SMIM14: variants seen among roughly 807,000 people sequenced by gnomAD.
SMIM14 encodes small integral membrane protein 14.
A neutral mutation model predicts 12.6 loss-of-function variants in SMIM14; 5 were observed. The ratio of observed to expected loss-of-function variants is 0.40; its 90% CI spans 0.21 to 0.83. The LOEUF (loss-of-function observed/expected upper bound fraction) is 0.83. Ranked by LOEUF, SMIM14 falls within the 40% of genes least tolerant of loss-of-function variation. The pLI, the probability that SMIM14 is intolerant of heterozygous loss-of-function variation, is 0.37. For missense variants in SMIM14, 86 were observed against 119.1 expected (o/e 0.72, Z 1.29); for synonymous variants, 30 against 40.1 (o/e 0.75, Z 0.95).
chr4:39,620,477 C>A (rs1018465479), intron 1 of SMIM14, among the ~76,000 whole-genome samples: 13 of 148,626 alleles, frequency 8.7e-5, no homozygotes, highest in South Asian at 8.5e-4. Context: ...TAGACTGTAT[C>A]AAAAAAAAAA....
At chr4:39,637,967 C>T (rs1412489919) in intron 1 of SMIM14, among the ~76,000 whole-genome samples, 2 of 152,238 alleles carry the variant, frequency 1.3e-5, no homozygotes, top group Non-Finnish European at 2.9e-5. Flanking sequence ...AAGGCCACAG[C>T]CTCGGTTTTG....
intron 2 of SMIM14, among the ~76,000 whole-genome samples, chr4:39,580,471 C>T (rs190991278): frequency 1.3e-5 from 2 of 152,000 alleles, no homozygotes; most frequent in Non-Finnish European, 2.9e-5. Flanking sequence ...TAAACCAACA[C>T]ACCCAGCCAA....
chr4:39,632,045 A>C (rs1182807669), intron 1 of SMIM14, among the ~76,000 whole-genome samples: 1 of 152,196 alleles, frequency 6.6e-6, no homozygotes, highest in Non-Finnish European at 1.5e-5. Context: ...TACACCTAAA[A>C]ATTGGTTTAG....
intron 1 of SMIM14, among the ~76,000 whole-genome samples, chr4:39,624,913 G>A (rs1715634128): frequency 6.6e-6 from 1 of 151,072 alleles, no homozygotes; most frequent in Non-Finnish European, 1.5e-5. Context: ...GGCAAGAAAA[G>A]GATGCAGACT....
At chr4:39,592,539 G>A (rs1374014112) in intron 2 of SMIM14, 1 of 152,026 alleles carries the variant, frequency 6.6e-6, no homozygotes, top group Non-Finnish European at 1.5e-5. Flanking sequence ...ACATTCTGAT[G>A]AGAACAAATC....
At chr4:39,566,099 G>A (rs1368356803) in intron 3 of SMIM14, among the ~76,000 whole-genome samples, 2 of 150,798 alleles carry the variant, frequency 1.3e-5, no homozygotes, top group African/African-American at 2.4e-5. Flanking sequence ...TTAAGAACCT[G>A]TTGCAATAAT....
At chr4:39,631,823 C>G (rs1715910223) in intron 1 of SMIM14, among the ~76,000 whole-genome samples, 1 of 151,842 alleles carries the variant, frequency 6.6e-6, no homozygotes, top group South Asian at 2.1e-4. Context: ...ACTTGTAATA[C>G]TTGTCAATGA....
chr4:39,630,458 AC>A (rs1256002814), intron 1 of SMIM14, among the ~76,000 whole-genome samples: 2 of 152,274 alleles, frequency 1.3e-5, no homozygotes, highest in African/African-American at 4.8e-5. Context: ...AAACTAAGTA[AC>A]TCACAGCCTC....
intron 3 of SMIM14, among the ~76,000 whole-genome samples, chr4:39,565,950 G>A (rs186329888): frequency 1.3e-5 from 2 of 152,014 alleles, no homozygotes; most frequent in African/African-American, 4.8e-5. Flanking sequence ...TGTAAGACAT[G>A]CCTTTCACCT....
In SMIM14 at chr4:39,556,490, A is replaced by T; in HGVS notation, c.205T>A (p.Leu69Ile). ...CCTCTTAGATTAGGAGGTCTCAGTA[A>T]GAACAAGATCAATGCAATAACCATC... Reference protein sequence around the residue: ...AWMVIALILFLLRPPNLRGSS... With the variant: ...AWMVIALILFILRPPNLRGSS... The change falls in exon 4 of 5, where the codon TTA becomes ATA. Residue 69 changes from leucine (L) to isoleucine (I), a missense_variant. By Grantham distance (5) the Leu-to-Ile change is conservative. Coordinates refer to ENST00000295958, the MANE Select transcript of SMIM14 (RefSeq NM_174921.3). 6.2e-7 allele frequency: 1 copy of T among 1,613,960 alleles called. No individual in the cohort carries two copies. The highest frequency in any genetic ancestry group is 8.5e-7 in the Non-Finnish European group (1 of 1,179,962).
chr4:39,607,584 A>G (rs1196276566), intron 1 of SMIM14, among the ~76,000 whole-genome samples: 1 of 152,206 alleles, frequency 6.6e-6, no homozygotes, highest in Non-Finnish European at 1.5e-5. Context: ...GTGAGACCTC[A>G]TCTCTGTAAA....
chr4:39,572,150 G>GT (rs1712923013), intron 3 of SMIM14, among the ~76,000 whole-genome samples: 2 of 151,640 alleles, frequency 1.3e-5, no homozygotes, highest in Admixed American at 6.6e-5. Context: ...AATAAGCAGG[G>GT]TTTTTGAGGC....
At chr4:39,587,453 G>A (rs1424157969) in intron 2 of SMIM14, among the ~76,000 whole-genome samples, 1 of 136,186 alleles carries the variant, frequency 7.3e-6, no homozygotes, top group Non-Finnish European at 1.5e-5. Flanking sequence ...CCAAGATCGC[G>A]CCACTGCACT....
At chr4:39,569,425 T>C (rs924281933) in intron 3 of SMIM14, among the ~76,000 whole-genome samples, 8 of 152,204 alleles carry the variant, frequency 5.3e-5, no homozygotes, top group Non-Finnish European at 1.2e-4. Flanking sequence ...TTCAGTTTCA[T>C]ATATATAATA....
In SMIM14 at chr4:39,592,404, G is replaced by T. The variant is rs10049526; in HGVS notation, c.75+12667C>A. 4.6e-3 allele frequency among the ~76,000 whole-genome samples: 692 copies of T among 151,658 alleles called. 5 individuals are homozygous for T. The highest frequency in any genetic ancestry group is 0.016 in the African/African-American group (657 of 41,368). On this transcript the variant is annotated intron_variant, in intron 2 of 4. Transcript: ENST00000295958. ...GAGCATGAGCCCAGCCAGATTTATAGTCTTTGTACTAAAACTTATATATAA... is the reference window on the plus strand; with the variant it reads ...GAGCATGAGCCCAGCCAGATTTATATTCTTTGTACTAAAACTTATATATAA...
At chr4:39,603,625 C>T (rs1578350111) in intron 2 of SMIM14, among the ~76,000 whole-genome samples, 1 of 151,972 alleles carries the variant, frequency 6.6e-6, no homozygotes, top group Non-Finnish European at 1.5e-5. Context: ...TGTATTTAAG[C>T]TTATAGACTC....
At chr4:39,620,894 A>G (rs979856592) in intron 1 of SMIM14, 6 of 152,190 alleles carry the variant, frequency 3.9e-5, no homozygotes, top group Admixed American at 2.6e-4. Flanking sequence ...AGATTATAGA[A>G]TTTTCTGAAC....
chr4:39,563,706 T>C (rs80095604), intron 3 of SMIM14, among the ~76,000 whole-genome samples: 1,694 of 152,298 alleles, frequency 0.011, 24 homozygotes, highest in African/African-American at 0.039. Flanking sequence ...CCACCCACTT[T>C]TTCCTCTGCC....
intron 1 of SMIM14, among the ~76,000 whole-genome samples, chr4:39,620,305 C>T (rs1474132773): frequency 1.3e-5 from 2 of 151,952 alleles, no homozygotes; most frequent in East Asian, 3.9e-4. Context: ...CGCTGAAACC[C>T]CGTCTCTACT....
Sources: allele counts gnomAD v4.1 joint callset (sites outside exome capture counted in the v4.1 genomes callset), GRCh38; gene constraint gnomAD v4.1.1; transcripts MANE v1.5; gene names NCBI Gene and HGNC (gene_info 2026-07-23, HGNC 2026-07-21).